The following STRBP variants were observed in gnomAD, a reference collection of about 807,000 sequenced individuals.
STRBP encodes the protein spermatid perinuclear RNA binding protein, also known as spermatid perinuclear RNA-binding protein.
Under a neutral mutation model 80.1 loss-of-function variants are expected in STRBP, and 13 were observed. That is an observed-to-expected ratio of 0.16 (90% CI 0.11 to 0.26). The LOEUF (loss-of-function observed/expected upper bound fraction) is 0.26, where lower values mean the gene tolerates loss of function less well. Ranked by LOEUF, STRBP falls within the 10% of genes least tolerant of loss-of-function variation. The pLI is 1.00. For missense variants in STRBP, 485 were observed against 815.2 expected (o/e 0.59, Z 4.93); for synonymous variants, 284 against 291.2 (o/e 0.98, Z 0.25).
chr9:123,111,644 G>C (rs1382730849), intron 3 of STRBP: 1 of 475,194 alleles, frequency 2.1e-6, no homozygotes, highest in Non-Finnish European at 4.4e-6. Flanking sequence ...CACGTGACTT[G>C]CTGTCACAGG....
intron 1 of STRBP, among the ~76,000 whole-genome samples, chr9:123,268,065 C>T (rs1385148152): frequency 6.6e-6 from 1 of 150,654 alleles, no homozygotes; most frequent in Non-Finnish European, 1.5e-5. Flanking sequence ...TGTCCTCCAA[C>T]ACCTGCCCCG....
chr9:123,247,488 C>T (rs1366681362), intron 1 of STRBP, among the ~76,000 whole-genome samples: 1 of 152,226 alleles, frequency 6.6e-6, no homozygotes, highest in East Asian at 1.9e-4. Flanking sequence ...AGGCTGGTCT[C>T]GAACTCCAGA....
At position 123,136,531 on chromosome 9, in the gene STRBP, A is replaced by G. The variant is rs1194283057; in HGVS notation, c.1498-16T>C. On this transcript the variant is annotated splice_polypyrimidine_tract_variant and intron_variant, in intron 14 of 18. Coordinates refer to ENST00000348403, the MANE Select transcript of STRBP (RefSeq NM_018387.5). This position sits in a 1 kb window ranked among gnomAD's most constrained non-coding sequence, Gnocchi z 4.2. ...GAGTTCTTACCTATAAGAGAAAGGG[A>G]ATCTGAAGGTTCAATCAAGTAAGAT... 4 of 1,609,526 alleles carry G rather than the reference A, an allele frequency of 2.5e-6. No individual in the cohort carries two copies. The highest frequency in any genetic ancestry group is 3.4e-6 in the Non-Finnish European group (4 of 1,178,808).
In STRBP at chr9:123,220,686, C is replaced by T. The variant is rs2040039232; in HGVS notation, c.-165+16144G>A. On this transcript the variant is annotated intron_variant, in intron 2 of 18. Coordinates refer to ENST00000348403, the MANE Select transcript of STRBP (RefSeq NM_018387.5). ...ACTCCAACAAGTCAACAATGTATCA[C>T]TGTATTTTTTTAAGAAACCCACTAA... Among the ~76,000 whole-genome samples, 3 of 152,200 alleles carry T rather than the reference C, an allele frequency of 2.0e-5. No individual in the cohort carries two copies. In the South Asian group the frequency reaches 6.2e-4, roughly 31 times the overall value.
downstream of STRBP, among the ~76,000 whole-genome samples, chr9:123,118,716 A>C (rs747169633): frequency 2.6e-5 from 4 of 152,122 alleles, no homozygotes; most frequent in Non-Finnish European, 5.9e-5. Flanking sequence ...TAAAGGTAAC[A>C]CTCAGTCCTT....
chr9:123,123,367 G>T lies in STRBP; in HGVS notation c.*2230C>A, dbSNP rs1305443018. On this transcript the variant is annotated 3_prime_UTR_variant, in exon 19 of 19. Transcript: ENST00000348403. ...GGGTGGGAAGGGCAACAGGTGGGGG[G>T]ACACTTAATTCATTACAGAATTTAA... 5 of 985,202 alleles carry T rather than the reference G, an allele frequency of 5.1e-6. No homozygotes were observed. In the African/African-American group the frequency reaches 8.7e-5, roughly 17 times the overall value. The allele number at this position is 985,202 out of a possible 1,614,324, so 61.0% of individuals were successfully genotyped here.
intron 2 of STRBP, among the ~76,000 whole-genome samples, chr9:123,204,567 G>A (rs1320012963): frequency 2.6e-5 from 4 of 152,066 alleles, no homozygotes; most frequent in Admixed American, 6.6e-5. Flanking sequence ...AGAATTTACC[G>A]ATTTTGTGAC....
chr9:123,115,962 C>T lies in STRBP; in HGVS notation c.*51G>A. The T allele has an allele frequency of 2.2e-6, 1 of 455,610 alleles. No homozygotes were observed. Among genetic ancestry groups the T allele is most frequent in the Non-Finnish European group, 4.4e-6 (1 of 226,748 alleles). The allele number at this position is 455,610 out of a possible 1,614,324, so 28.2% of individuals were successfully genotyped here. On this transcript the variant is annotated 3_prime_UTR_variant and NMD_transcript_variant, in exon 3 of 4. Coordinates refer to the STRBP transcript ENST00000471564. This position sits in a 1 kb window ranked among gnomAD's most constrained non-coding sequence, Gnocchi z 5.0. ...AGTGCCCACGTTCTCTCCAGGTCTCCTCTTCACCAGCCTTAACCTTCTGGT... is the reference window on the plus strand; with the variant it reads ...AGTGCCCACGTTCTCTCCAGGTCTCTTCTTCACCAGCCTTAACCTTCTGGT...
intron 2 of STRBP, among the ~76,000 whole-genome samples, chr9:123,233,368 T>C (rs2132585008): frequency 6.6e-6 from 1 of 152,302 alleles, no homozygotes; most frequent in African/African-American, 2.4e-5. Flanking sequence ...TGAGCCCCTA[T>C]GCCAGGCTTA....
chr9:123,261,197 C>A (rs1425983810), intron 1 of STRBP, among the ~76,000 whole-genome samples: 1 of 152,232 alleles, frequency 6.6e-6, no homozygotes, highest in Non-Finnish European at 1.5e-5. Flanking sequence ...AGATTCATTA[C>A]TATCTCATAA....
At chr9:123,128,437 G>T (rs1425767033) in intron 17 of STRBP, among the ~76,000 whole-genome samples, 179 bp from the exon 18 acceptor site, 1 of 152,194 alleles carries the variant, frequency 6.6e-6, no homozygotes, top group East Asian at 1.9e-4. Context: ...GCCTGCTTAA[G>T]ATGTGGGAGC....
chr9:123,162,391 A>AT lies in STRBP; in HGVS notation c.536-1324dup, dbSNP rs2037559495. Among the ~76,000 whole-genome samples, 3 of 151,978 alleles carry AT rather than the reference A, an allele frequency of 2.0e-5. No homozygotes were observed. In the South Asian group the frequency reaches 6.3e-4, roughly 32 times the overall value. On this transcript the variant is annotated intron_variant, in intron 6 of 18. Transcript: ENST00000348403. ...AGGCATGTGCCACCATACCCAGCTA[A>AT]TTTTTTTGTAGATATGGGATCTCAC...
intron 5 of STRBP, among the ~76,000 whole-genome samples, chr9:123,172,048 C>T (rs1028474189): frequency 3.3e-5 from 5 of 152,170 alleles, no homozygotes; most frequent in Admixed American, 2.0e-4. Context: ...AAAGCTTGGC[C>T]CAATCTTCTC....
rs143987913 is a variant in STRBP at position 123,122,706 on chromosome 9, G to A, written c.*2891C>T. On this transcript the variant is annotated 3_prime_UTR_variant, in exon 19 of 19. Coordinates refer to ENST00000348403, the MANE Select transcript of STRBP (RefSeq NM_018387.5). Reference sequence around the variant, plus strand: ...CATCCCTGGCTAGGGGCCAGTCCCCGTGCAGAGGATATGGCTTCAAGGAGG... The same window carrying A: ...CATCCCTGGCTAGGGGCCAGTCCCCATGCAGAGGATATGGCTTCAAGGAGG... The A allele has an allele frequency of 3.0e-4, 305 of 1,004,952 alleles. 1 individual carries two copies. Among genetic ancestry groups the A allele is most frequent in the Non-Finnish European group, 3.4e-4 (288 of 842,612 alleles). 62.3% of individuals were successfully genotyped at this position (1,004,952 alleles called of 1,614,324 possible).
chr9:123,158,528 G>GAA (rs142605162), intron 9 of STRBP, 99 bp from the exon 10 acceptor site: 25 of 879,336 alleles, frequency 2.8e-5, no homozygotes, highest in African/African-American at 3.5e-5. Context: ...AAGAGAAAAT[G>GAA]AAAAAAAAAA....
intron 16 of STRBP, 104 bp from the exon 17 acceptor site, chr9:123,133,072 G>C (rs993882300): frequency 7.0e-7 from 1 of 1,421,938 alleles, no homozygotes; most frequent in Non-Finnish European, 9.5e-7. Flanking sequence ...TGAGCACGTG[G>C]GTGAGACCAT....
At position 123,218,998 on chromosome 9, in the gene STRBP, C is replaced by CACAATATAA. The variant is rs2039988036; in HGVS notation, c.-165+17823_-165+17831dup. 2.0e-5 allele frequency among the ~76,000 whole-genome samples: 3 copies of CACAATATAA among 151,992 alleles called. No individual in the cohort carries two copies. The South Asian group carries it at 6.2e-4, about 32-fold the overall frequency. On this transcript the variant is annotated intron_variant, in intron 2 of 18. Coordinates refer to ENST00000348403, the MANE Select transcript of STRBP (RefSeq NM_018387.5). The stretch of plus-strand genomic sequence containing the variant: ...AGAGGCCTGAAAAATTTAACTAACC[C>CACAATATAA]ACAATATAAATGAGGAAGTGACAAA...
At chr9:123,172,943 T>A (rs536075997) in intron 5 of STRBP, among the ~76,000 whole-genome samples, 1 of 152,272 alleles carries the variant, frequency 6.6e-6, no homozygotes, top group Non-Finnish European at 1.5e-5. Context: ...CAAACTAATA[T>A]AAAATTATCA....
At chr9:123,211,976 A>T (rs760310167) in intron 2 of STRBP, among the ~76,000 whole-genome samples, 1 of 152,208 alleles carries the variant, frequency 6.6e-6, no homozygotes, top group Non-Finnish European at 1.5e-5. Context: ...TAAAATATAG[A>T]CACTAACTCA....
Sources: allele counts gnomAD v4.1 joint callset (sites outside exome capture counted in the v4.1 genomes callset), GRCh38; gene constraint gnomAD v4.1.1; non-coding constraint Gnocchi (gnomAD v3.1); transcripts MANE v1.5; gene names NCBI Gene and HGNC (gene_info 2026-07-23, HGNC 2026-07-21).